The following LARGE1 variants were observed in gnomAD, a reference collection of about 807,000 sequenced individuals.
LARGE1 encodes the protein xylosyl- and glucuronyltransferase LARGE1.
In LARGE1, 43 loss-of-function variants were observed where a neutral mutation model predicts 87.6. The observed-to-expected ratio is 0.49, with a 90% CI of 0.38 to 0.63. The LOEUF is 0.63. LARGE1 is among the 30% of genes least tolerant of loss of function. LARGE1 has a pLI of 0.00. For synonymous variants in LARGE1, 434 were observed against 394.6 expected, an observed-to-expected ratio of 1.10 and a Z score of -1.18; for missense variants, 802 against 1,000.2, an observed-to-expected ratio of 0.80 and a Z score of 2.67.
At chr22:33,104,889 C>CTCTCTTTCTT in the LARGE1 span, among the ~76,000 whole-genome samples, 28 of 89,230 alleles carry the variant, frequency 3.1e-4, no homozygotes, top group East Asian at 3.5e-3. Context: ...GACTTTCTCT[C>CTCTCTTTCTT]TCTTTCTTTC....
intron 1 of LARGE1, among the ~76,000 whole-genome samples, chr22:33,808,685 C>T (rs966239152): frequency 6.6e-6 from 1 of 152,220 alleles, no homozygotes; most frequent in Non-Finnish European, 1.5e-5. Flanking sequence ...GTGACGAGTA[C>T]ACTGGAGTTG....
intron 2 of LARGE1, among the ~76,000 whole-genome samples, chr22:33,740,301 A>G (rs939878348): frequency 6.6e-6 from 1 of 152,204 alleles, no homozygotes; most frequent in Non-Finnish European, 1.5e-5. Context: ...ACCGGCATAC[A>G]TACTTCTATT....
chr22:33,870,108 T>C (rs2064229801), intron 1 of LARGE1, among the ~76,000 whole-genome samples: 1 of 152,152 alleles, frequency 6.6e-6, no homozygotes, highest in African/African-American at 2.4e-5. Flanking sequence ...GGTGGGCCCT[T>C]AACCCAGTCT....
At chr22:33,725,325 A>T (rs1398718559) in intron 2 of LARGE1, among the ~76,000 whole-genome samples, 1 of 151,974 alleles carries the variant, frequency 6.6e-6, no homozygotes, top group Non-Finnish European at 1.5e-5. Flanking sequence ...TGACCTGCCC[A>T]TTGGCCTCGG....
chr22:33,469,172 C>A (rs924016521), intron 6 of LARGE1, among the ~76,000 whole-genome samples: 1 of 152,176 alleles, frequency 6.6e-6, no homozygotes, highest in African/African-American at 2.4e-5. Flanking sequence ...CCAGCAATCT[C>A]ATTATTGGGT....
At chr22:33,099,923 G>A in the LARGE1 span, among the ~76,000 whole-genome samples, 6 of 152,132 alleles carry the variant, frequency 3.9e-5, no homozygotes, top group African/African-American at 1.4e-4. Context: ...TTCAAGACTG[G>A]ACTCTTCATA....
At chr22:33,186,199 A>T (rs918341848) in intron 11 of LARGE1, among the ~76,000 whole-genome samples, 1 of 152,134 alleles carries the variant, frequency 6.6e-6, no homozygotes, top group African/African-American at 2.4e-5. Flanking sequence ...TGATACCAAA[A>T]CTTGACCAAA....
intron 6 of LARGE1, among the ~76,000 whole-genome samples, chr22:33,438,621 G>T (rs989341211): frequency 4.6e-5 from 7 of 152,056 alleles, no homozygotes; most frequent in Non-Finnish European, 2.9e-5. Flanking sequence ...TTTGGCTCAA[G>T]GCCCGGCTCC....
intron 7 of LARGE1, among the ~76,000 whole-genome samples, chr22:33,423,611 C>T (rs1330237396): frequency 6.8e-6 from 1 of 146,344 alleles, no homozygotes; most frequent in East Asian, 2.0e-4. Flanking sequence ...ACCCCGGAGA[C>T]GAAGGTTGCA....
chr22:33,275,117 A>G (rs1485193312), intron 14 of LARGE1, among the ~76,000 whole-genome samples: 1 of 152,230 alleles, frequency 6.6e-6, no homozygotes, highest in African/African-American at 2.4e-5. Context: ...AACAGGAATG[A>G]GAGACCAGAT....
intron 6 of LARGE1, among the ~76,000 whole-genome samples, chr22:33,456,186 A>G (rs1569179920): frequency 6.6e-6 from 1 of 152,212 alleles, no homozygotes; most frequent in Non-Finnish European, 1.5e-5. Context: ...AAGATCATTA[A>G]TATTTCCACA....
At chr22:33,342,311 G>C (rs1939243790) in intron 9 of LARGE1, among the ~76,000 whole-genome samples, 1 of 152,178 alleles carries the variant, frequency 6.6e-6, no homozygotes, top group Non-Finnish European at 1.5e-5. Flanking sequence ...TAAACTAAGT[G>C]AAAAGAAGGG....
intron 6 of LARGE1, among the ~76,000 whole-genome samples, chr22:33,525,253 T>C (rs2071828955): frequency 6.6e-6 from 1 of 152,124 alleles, no homozygotes; most frequent in Non-Finnish European, 1.5e-5. Flanking sequence ...AGATTGAGGC[T>C]CAAAGAAAAT....
chr22:33,875,139 C>A (rs1241938872), intron 1 of LARGE1, among the ~76,000 whole-genome samples: 3 of 152,186 alleles, frequency 2.0e-5, no homozygotes, highest in Non-Finnish European at 4.4e-5. Flanking sequence ...TTATAAGAAC[C>A]ATTGCCTCCA....
At chr22:33,549,692 A>C (rs5994774) in intron 6 of LARGE1, among the ~76,000 whole-genome samples, 9,304 of 152,244 alleles carry the variant, frequency 0.061, 571 homozygotes, top group African/African-American at 0.16. Flanking sequence ...AAGCACATAA[A>C]ATAGGAGTTT....
intron 1 of LARGE1, among the ~76,000 whole-genome samples, chr22:33,771,980 T>G (rs1031072995): frequency 1.3e-5 from 2 of 152,208 alleles, no homozygotes; most frequent in Admixed American, 6.5e-5. Flanking sequence ...GAATCGAAGC[T>G]ACCATCGCCC....
At chr22:33,607,224 G>A (rs1469183217) in intron 4 of LARGE1, among the ~76,000 whole-genome samples, 1 of 152,132 alleles carries the variant, frequency 6.6e-6, no homozygotes, top group Non-Finnish European at 1.5e-5. Context: ...CACTTTGGGA[G>A]GCCGAGGTGG....
chr22:33,526,096 C>T (rs903642826), intron 6 of LARGE1, among the ~76,000 whole-genome samples: 2 of 152,010 alleles, frequency 1.3e-5, no homozygotes, highest in African/African-American at 2.4e-5. Context: ...GAGTATAATG[C>T]GGCCATAAAA....
At chr22:33,079,399 T>C in the LARGE1 span, among the ~76,000 whole-genome samples, 1 of 151,994 alleles carries the variant, frequency 6.6e-6, no homozygotes, top group Middle Eastern at 3.4e-3. Flanking sequence ...GGATAATTTT[T>C]TGTATTTTCA....
Sources: allele counts gnomAD v4.1 joint callset (sites outside exome capture counted in the v4.1 genomes callset), GRCh38; gene constraint gnomAD v4.1.1; transcripts MANE v1.5; gene names NCBI Gene and HGNC (gene_info 2026-07-23, HGNC 2026-07-21).